Variants in CD109 observed in about 807,000 individuals in gnomAD.
CD109 encodes CD109 molecule, also known as CD109 antigen.
A neutral mutation model predicts 165.8 loss-of-function variants in CD109; 149 were observed. The observed-to-expected ratio is 0.90, with a 90% CI of 0.79 to 1.03. CD109 has a LOEUF of 1.03. CD109 is among the 50% of genes least tolerant of loss of function. The probability of loss-of-function intolerance (pLI) is 0.00; values close to 1 mark genes in which losing one functional copy is unlikely to be tolerated. For synonymous variants in CD109, 585 were observed against 592.1 expected, an observed-to-expected ratio of 0.99 and a Z score of 0.18; for missense variants, 1,712 against 1,677.8, an observed-to-expected ratio of 1.02 and a Z score of -0.36.
the CD109 span, among the ~76,000 whole-genome samples, chr6:73,682,173 G>A: frequency 3.8e-3 from 585 of 152,194 alleles, 9 homozygotes; most frequent in East Asian, 0.032. Flanking sequence ...TCAAAAGTCC[G>A]CAGTCCCAAG....
Position 73,711,685 on chromosome 6 carries a change from C to T in CD109, c.248-11566C>T, listed in dbSNP as rs1339471987. On this transcript the variant is annotated intron_variant, in intron 2 of 32. Transcript: ENST00000287097. Reference sequence around the variant, plus strand: ...AGTAGCTGGGACTACAGGCGCCCGCCACTACGCCCGGCTAATTTTTTTTTT... The same window carrying T: ...AGTAGCTGGGACTACAGGCGCCCGCTACTACGCCCGGCTAATTTTTTTTTT... Among the ~76,000 whole-genome samples the T allele has an allele frequency of 2.2e-4, 8 of 36,380 alleles. 3 individuals carry two copies. Among genetic ancestry groups the T allele is most frequent in the Admixed American group, 9.1e-4 (3 of 3,306 alleles). 23.9% of individuals were successfully genotyped at this position (36,380 alleles called of 152,430 possible). A position where few individuals can be genotyped will look rare whatever the true frequency, so the allele number is the denominator to read the frequency against.
At chr6:73,809,047 T>C (rs1047925316) in intron 26 of CD109, among the ~76,000 whole-genome samples, 1 of 152,164 alleles carries the variant, frequency 6.6e-6, no homozygotes, top group Non-Finnish European at 1.5e-5. Flanking sequence ...GCTTAGAGGC[T>C]GAAGCAGTCT....
intron 5 of CD109, among the ~76,000 whole-genome samples, chr6:73,744,784 C>G (rs1238865927): frequency 1.3e-5 from 2 of 152,186 alleles, no homozygotes; most frequent in Non-Finnish European, 2.9e-5. Flanking sequence ...TTCTGTACCC[C>G]TCTCTGAAGA....
intron 32 of CD109, among the ~76,000 whole-genome samples, chr6:73,821,776 T>C (rs1436754083): frequency 2.0e-5 from 3 of 152,142 alleles, no homozygotes; most frequent in Non-Finnish European, 4.4e-5. Context: ...GGGTACAATG[T>C]TCATTATTTG....
chr6:73,774,010 A>G (rs1425008270), intron 15 of CD109, among the ~76,000 whole-genome samples: 1 of 151,880 alleles, frequency 6.6e-6, no homozygotes, highest in Non-Finnish European at 1.5e-5. Context: ...CTGTATTTTA[A>G]TCTACTTTAA....
intron 2 of CD109, among the ~76,000 whole-genome samples, chr6:73,713,137 A>G (rs1295810889): frequency 6.6e-6 from 1 of 152,136 alleles, no homozygotes; most frequent in Non-Finnish European, 1.5e-5. Flanking sequence ...ATTATTGCTA[A>G]ATGAATAGAA....
intron 28 of CD109, 38 bp downstream of exon 28, chr6:73,811,185 A>G (rs927192507): frequency 6.3e-7 from 1 of 1,587,198 alleles, no homozygotes; most frequent in Admixed American, 1.8e-5. Flanking sequence ...ATCAGTGTAG[A>G]CAATTCTTTA....
intron 5 of CD109, among the ~76,000 whole-genome samples, chr6:73,748,233 C>A (rs1282308284): frequency 6.6e-6 from 1 of 152,160 alleles, no homozygotes; most frequent in Non-Finnish European, 1.5e-5. Context: ...AATCTCTCTG[C>A]ATTTGGTTTT....
At chr6:73,716,624 G>T (rs928653076) in intron 2 of CD109, among the ~76,000 whole-genome samples, 1 of 152,072 alleles carries the variant, frequency 6.6e-6, no homozygotes, top group Non-Finnish European at 1.5e-5. Context: ...TTTTTAATTG[G>T]ATTATTAGAT....
rs533189480 is a variant in CD109, at chr6:73,767,830, T to C, written c.1498-225T>C. 4.6e-5 allele frequency among the ~76,000 whole-genome samples: 7 copies of C among 152,364 alleles called. No homozygotes were observed. In the South Asian group the frequency reaches 1.4e-3, roughly 32 times the overall value. ...GCAATCAAAAATAGATTCTTGACTA[T>C]GAAGCTACTGTTGCTCCAATCAGTA... On this transcript the variant is annotated intron_variant, in intron 13 of 32. Transcript: ENST00000287097.
At chr6:73,689,524 T>C in the CD109 span, among the ~76,000 whole-genome samples, 1 of 152,196 alleles carries the variant, frequency 6.6e-6, no homozygotes, top group East Asian at 1.9e-4. Flanking sequence ...TGTATAAAAG[T>C]GGGAAAACCA....
chr6:73,798,805 C>A (rs1026728237), intron 23 of CD109, among the ~76,000 whole-genome samples: 3 of 152,194 alleles, frequency 2.0e-5, no homozygotes, highest in Admixed American at 6.5e-5. Flanking sequence ...GATCTCATCT[C>A]TGACCAGTTT....
At chr6:73,737,550 C>A (rs1772594347) in intron 5 of CD109, among the ~76,000 whole-genome samples, 1 of 152,180 alleles carries the variant, frequency 6.6e-6, no homozygotes, top group South Asian at 2.1e-4. Flanking sequence ...CAATGTAATG[C>A]ATAACCATTA....
intron 3 of CD109, among the ~76,000 whole-genome samples, chr6:73,728,614 C>T (rs1772228705): frequency 1.3e-5 from 2 of 152,170 alleles, no homozygotes. Flanking sequence ...CATCAATACT[C>T]TTCTCCCTAA....
intron 13 of CD109, among the ~76,000 whole-genome samples, chr6:73,767,342 A>G (rs1391966509): frequency 6.6e-6 from 1 of 152,144 alleles, no homozygotes; most frequent in East Asian, 1.9e-4. Context: ...TTTGCTAAGG[A>G]TAGTGGCCTC....
In CD109 at chr6:73,773,011, A is replaced by G. The variant is rs554495529; in HGVS notation, c.1827+1430A>G. 1.1e-4 allele frequency among the ~76,000 whole-genome samples: 16 copies of G among 151,192 alleles called. No individual in the cohort carries two copies. The South Asian group carries it at 1.2e-3, about 12-fold the overall frequency. ...GATCTTGCATTTGATTTAACTGAAT[A>G]TAATAGTATCTGTTATTTTATAGCT... On this transcript the variant is annotated intron_variant, in intron 15 of 32. Transcript: ENST00000287097.
rs1230804954 is a variant in CD109 at position 73,788,339 on chromosome 6, A to G, written c.2557-129A>G. 6 of 565,068 alleles carry G rather than the reference A, an allele frequency of 1.1e-5. No homozygotes were observed. The East Asian group carries it at 1.9e-4, about 18-fold the overall frequency. 35.0% of individuals were successfully genotyped at this position (565,068 alleles called of 1,614,324 possible). On this transcript the variant is annotated intron_variant, in intron 21 of 32. Coordinates refer to ENST00000287097, the MANE Select transcript of CD109 (RefSeq NM_133493.5). ...TTTAAAGAAAACAAAATAAGAAATG[A>G]TAGGTGCCTATTTAGCCACACACAA... is the stretch of plus-strand genomic sequence containing the variant.
At chr6:73,715,251 C>G (rs1771684459) in intron 2 of CD109, among the ~76,000 whole-genome samples, 1 of 151,984 alleles carries the variant, frequency 6.6e-6, no homozygotes, top group Non-Finnish European at 1.5e-5. Flanking sequence ...CAGAGCAAGA[C>G]TCTGTCTCAA....
rs546528315 is a variant in CD109, at chr6:73,824,744, C to G, written c.*1111C>G. 3 of 152,258 alleles carry G rather than the reference C, an allele frequency of 2.0e-5. No homozygotes were observed. Among genetic ancestry groups the G allele is most frequent in the Admixed American group, 2.0e-4 (3 of 15,286 alleles). 9.4% of individuals were successfully genotyped at this position (152,258 alleles called of 1,614,324 possible). A position where few individuals can be genotyped will look rare whatever the true frequency, so the allele number is the denominator to read the frequency against. ...CTGAGCACCTCAATCTTTAATTGCC[C>G]TGTATTCCGAAGGGTAATATAATTT... On this transcript the variant is annotated 3_prime_UTR_variant, in exon 33 of 33. Coordinates refer to ENST00000287097, the MANE Select transcript of CD109 (RefSeq NM_133493.5).
Sources: gnomAD v4.1 joint callset for allele counts (sites outside exome capture counted in the v4.1 genomes callset) on GRCh38, gnomAD v4.1.1 for gene constraint, MANE v1.5 for transcripts, NCBI Gene and HGNC (gene_info 2026-07-23, HGNC 2026-07-21) for gene names.